AKAP19: variants seen among roughly 807,000 people sequenced by gnomAD.
The protein encoded by AKAP19 is small A-kinase anchoring protein.
chr2:190,143,225 G>T, the AKAP19 span, among the ~76,000 whole-genome samples: 1 of 135,042 alleles, frequency 7.4e-6, no homozygotes, highest in Non-Finnish European at 1.6e-5. Context: ...GCTGCCTGGA[G>T]TTTTTTTTAA....
the AKAP19 span, chr2:190,057,090 C>T: frequency 3.3e-5 from 22 of 672,764 alleles, no homozygotes; most frequent in South Asian, 4.6e-4. Flanking sequence ...TGGTTAAATG[C>T]CAACCATTGC....
At chr2:190,148,072 C>T in the AKAP19 span, among the ~76,000 whole-genome samples, 1 of 152,094 alleles carries the variant, frequency 6.6e-6, no homozygotes, top group Non-Finnish European at 1.5e-5. Context: ...GGTGGGCATC[C>T]TTGTCTTCTT....
the AKAP19 span, among the ~76,000 whole-genome samples, chr2:190,117,784 T>C: frequency 1.3e-5 from 2 of 152,220 alleles, no homozygotes; most frequent in African/African-American, 4.8e-5. Context: ...GAGAAGTGTA[T>C]GGCTTGTAGA....
At chr2:190,114,574 G>A in the AKAP19 span, among the ~76,000 whole-genome samples, 1 of 152,274 alleles carries the variant, frequency 6.6e-6, no homozygotes, top group South Asian at 2.1e-4. Context: ...TCCTGCCTCA[G>A]CCTTCCGAGT....
the AKAP19 span, among the ~76,000 whole-genome samples, chr2:190,005,090 T>G: frequency 3.3e-5 from 5 of 152,344 alleles, no homozygotes; most frequent in Admixed American, 2.0e-4. Context: ...ACTGTCTTGC[T>G]GACTTCAGGA....
At chr2:190,133,563 A>G in the AKAP19 span, among the ~76,000 whole-genome samples, 1 of 152,216 alleles carries the variant, frequency 6.6e-6, no homozygotes, top group Admixed American at 6.5e-5. Flanking sequence ...TTGGTGGGAT[A>G]TCTGCACCCC....
At chr2:189,949,385 CTA>C in the AKAP19 span, among the ~76,000 whole-genome samples, 1 of 151,930 alleles carries the variant, frequency 6.6e-6, no homozygotes, top group Non-Finnish European at 1.5e-5. Context: ...AACCTCATCT[CTA>C]TTAGCCAGGC....
chr2:189,908,276 C>T, the AKAP19 span, among the ~76,000 whole-genome samples: 6 of 151,798 alleles, frequency 4.0e-5, no homozygotes, highest in South Asian at 6.2e-4. Context: ...TCACTGCAAC[C>T]TCTGCCTCCC....
At chr2:190,144,644 A>G in the AKAP19 span, among the ~76,000 whole-genome samples, 4 of 152,164 alleles carry the variant, frequency 2.6e-5, no homozygotes, top group South Asian at 8.3e-4. Context: ...GTAGTCTAGA[A>G]TACACACTGT....
At chr2:190,018,187 C>G in the AKAP19 span, among the ~76,000 whole-genome samples, 1 of 152,086 alleles carries the variant, frequency 6.6e-6, no homozygotes, top group African/African-American at 2.4e-5. Flanking sequence ...AATATTTGTG[C>G]CTTTCCCCAG....
chr2:189,940,603 CA>C, the AKAP19 span, among the ~76,000 whole-genome samples: 1 of 151,918 alleles, frequency 6.6e-6, no homozygotes, highest in South Asian at 2.1e-4. Context: ...AAAACACTCA[CA>C]GGAAATTTTC....
the AKAP19 span, among the ~76,000 whole-genome samples, chr2:189,927,568 C>T: frequency 5.3e-5 from 8 of 152,150 alleles, no homozygotes; most frequent in East Asian, 7.7e-4. Context: ...AAAATATTAA[C>T]GTTTTACCAC....
the AKAP19 span, among the ~76,000 whole-genome samples, chr2:190,082,612 A>T: frequency 6.6e-6 from 1 of 152,252 alleles, no homozygotes; most frequent in Admixed American, 6.5e-5. Flanking sequence ...TTACTAGTAC[A>T]GCTGGATTGC....
chr2:190,171,485 T>C, the AKAP19 span, among the ~76,000 whole-genome samples: 1 of 71,714 alleles, frequency 1.4e-5, no homozygotes, highest in South Asian at 3.6e-4. Context: ...CATTGTAAAG[T>C]TTTTTTTGTA....
At chr2:190,021,829 T>G in the AKAP19 span, among the ~76,000 whole-genome samples, 1 of 152,236 alleles carries the variant, frequency 6.6e-6, no homozygotes, top group Non-Finnish European at 1.5e-5. Context: ...CTTAGTCTGT[T>G]TCCTGTCTAT....
At chr2:190,120,002 T>C in the AKAP19 span, among the ~76,000 whole-genome samples, 161 of 152,020 alleles carry the variant, frequency 1.1e-3, no homozygotes, top group African/African-American at 3.8e-3. Context: ...ATGAGTAAAG[T>C]AGTTGTAATG....
the AKAP19 span, among the ~76,000 whole-genome samples, chr2:189,969,743 A>T: frequency 7.9e-5 from 12 of 151,544 alleles, 1 homozygote; most frequent in East Asian, 1.7e-3. Context: ...AAAAAAAAAA[A>T]AAAAAAGATA....
At chr2:190,066,987 G>A in the AKAP19 span, among the ~76,000 whole-genome samples, 5 of 152,076 alleles carry the variant, frequency 3.3e-5, no homozygotes, top group African/African-American at 9.7e-5. Context: ...GATTAGGTGT[G>A]CCCTTTCCAT....
chr2:189,914,215 C>T, the AKAP19 span, among the ~76,000 whole-genome samples: 1 of 152,174 alleles, frequency 6.6e-6, no homozygotes, highest in East Asian at 1.9e-4. Context: ...TTCTCCTTCC[C>T]AAGCTCAAAT....
Sources: gnomAD v4.1 joint callset for allele counts (sites outside exome capture counted in the v4.1 genomes callset) on GRCh38, gnomAD v4.1.1 for gene constraint, MANE v1.5 for transcripts, NCBI Gene and HGNC (gene_info 2026-07-23, HGNC 2026-07-21) for gene names.